The following DIAPH2 variants were observed in gnomAD, a reference collection of about 807,000 sequenced individuals.
DIAPH2 encodes the protein diaphanous related formin 2, also known as protein diaphanous homolog 2.
Under a neutral mutation model 92.7 loss-of-function variants are expected in DIAPH2, and 35 were observed. The observed-to-expected ratio is 0.38, with a 90% CI of 0.29 to 0.50. DIAPH2 has a LOEUF of 0.50. Ranked by LOEUF, DIAPH2 falls within the 20% of genes least tolerant of loss-of-function variation. The probability of loss-of-function intolerance (pLI) is 0.94; values close to 1 mark genes in which losing one functional copy is unlikely to be tolerated. For missense variants in DIAPH2, 701 were observed against 819.5 expected (o/e 0.86, Z 1.77); for synonymous variants, 301 against 280.4 (o/e 1.07, Z -0.73).
rs776674144 is a variant in DIAPH2 at position 97,534,100 on chromosome X, C to CT, written c.3242-65151dup. 3.6e-4 allele frequency among the ~76,000 whole-genome samples: 3 copies of CT among 8,315 alleles called. No individual in the cohort carries two copies. The Admixed American group carries it at 9.2e-3, about 26-fold the overall frequency. 7.2% of individuals were successfully genotyped at this position (8,315 alleles called of 115,157 possible). ...ATACATATACAAAATTTCAGTGTTG[C>CT]TTAAAAAAAAAGCATTTTTATTGAC... On this transcript the variant is annotated intron_variant, in intron 26 of 26. Coordinates refer to ENST00000324765, the MANE Select transcript of DIAPH2 (RefSeq NM_006729.5).
chrX:96,827,000 T>A (rs183509259), intron 4 of DIAPH2, among the ~76,000 whole-genome samples: 1 of 112,666 alleles, frequency 8.9e-6, no homozygotes, highest in East Asian at 2.8e-4. Context: ...TGAAATTTAA[T>A]GTTTAAATTA....
At chrX:97,387,734 C>T (rs936515606) in intron 25 of DIAPH2, among the ~76,000 whole-genome samples, 1 of 111,709 alleles carries the variant, frequency 9.0e-6, no homozygotes, top group Non-Finnish European at 1.9e-5. Context: ...ATAAAATTAA[C>T]GATCATGAGA....
chrX:97,309,172 C>T (rs1410738116), intron 23 of DIAPH2, among the ~76,000 whole-genome samples: 3 of 108,989 alleles, frequency 2.8e-5, no homozygotes, highest in Non-Finnish European at 5.7e-5. Context: ...GTGATCTTGG[C>T]TTACTGCAAC....
intron 17 of DIAPH2, among the ~76,000 whole-genome samples, chrX:97,056,386 A>G (rs184743833): frequency 4.9e-4 from 55 of 111,730 alleles, no homozygotes; most frequent in Non-Finnish European, 4.0e-4. Context: ...TGTGGATTAT[A>G]CATTACTGGA....
chrX:97,085,100 T>C (rs560201186), intron 19 of DIAPH2, among the ~76,000 whole-genome samples: 1 of 111,619 alleles, frequency 9.0e-6, no homozygotes, highest in South Asian at 3.7e-4. Context: ...GTTTTTGTAG[T>C]TGCATATTTT....
intron 24 of DIAPH2, among the ~76,000 whole-genome samples, chrX:97,376,093 A>T (rs1054907320): frequency 2.2e-5 from 2 of 92,839 alleles, no homozygotes; most frequent in African/African-American, 4.0e-5. Flanking sequence ...AGAGATGTTT[A>T]AAAAAAAAAA....
intron 20 of DIAPH2, among the ~76,000 whole-genome samples, chrX:97,102,850 G>T (rs1208080029): frequency 9.0e-6 from 1 of 111,435 alleles, no homozygotes; most frequent in Non-Finnish European, 1.9e-5. Context: ...TGAGGCAGGA[G>T]AATCGCTTGA....
chrX:97,157,873 A>G (rs755742020), intron 22 of DIAPH2, among the ~76,000 whole-genome samples: 11 of 112,169 alleles, frequency 9.8e-5, no homozygotes, highest in Non-Finnish European at 1.7e-4. Flanking sequence ...TAATTATGGC[A>G]TTTGATATAG....
chrX:97,279,394 C>T (rs1382571574), intron 23 of DIAPH2, among the ~76,000 whole-genome samples: 1 of 107,083 alleles, frequency 9.3e-6, no homozygotes, highest in Non-Finnish European at 1.9e-5. Flanking sequence ...CCTCCACCTC[C>T]CGAGAGTGGG....
intron 22 of DIAPH2, among the ~76,000 whole-genome samples, chrX:97,188,506 T>C (rs1287178001): frequency 8.9e-6 from 1 of 112,262 alleles, no homozygotes; most frequent in Non-Finnish European, 1.9e-5. Flanking sequence ...ATTTAACTGA[T>C]AGCTCAGTAG....
chrX:97,327,090 ATTTC>A (rs1218617322), intron 23 of DIAPH2, among the ~76,000 whole-genome samples: 2 of 111,762 alleles, frequency 1.8e-5, no homozygotes, highest in South Asian at 3.7e-4. Context: ...GGCTTAGGAA[ATTTC>A]TTTCTTTCTT....
At chrX:96,931,418 T>A (rs1251841207) in intron 10 of DIAPH2, among the ~76,000 whole-genome samples, 3 of 111,784 alleles carry the variant, frequency 2.7e-5, no homozygotes, top group African/African-American at 9.7e-5. Flanking sequence ...TGAGCACACT[T>A]ATTTTTATAA....
At chrX:97,515,528 C>T (rs755159635) in intron 26 of DIAPH2, among the ~76,000 whole-genome samples, 1 of 112,230 alleles carries the variant, frequency 8.9e-6, no homozygotes, top group East Asian at 2.8e-4. Context: ...GCCATCTTGG[C>T]TCAGGAACCC....
chrX:96,910,884 T>G (rs1200296547), intron 5 of DIAPH2, among the ~76,000 whole-genome samples: 8 of 111,053 alleles, frequency 7.2e-5, no homozygotes, highest in Non-Finnish European at 1.3e-4. Flanking sequence ...TACATGGAGA[T>G]TTTGAGGAAA....
chrX:97,386,673 A>G (rs1208962902), intron 25 of DIAPH2, among the ~76,000 whole-genome samples: 1 of 104,345 alleles, frequency 9.6e-6, no homozygotes, highest in Non-Finnish European at 2.0e-5. Context: ...GTCTCAAAAT[A>G]AAAAAAAAAA....
At chrX:97,051,886 T>G (rs945513451) in intron 17 of DIAPH2, among the ~76,000 whole-genome samples, 1 of 112,256 alleles carries the variant, frequency 8.9e-6, no homozygotes, top group Non-Finnish European at 1.9e-5. Flanking sequence ...ACAGCAGGAA[T>G]TTGAGATGCT....
At chrX:96,795,937 G>A (rs927042082) in intron 4 of DIAPH2, among the ~76,000 whole-genome samples, 2 of 110,772 alleles carry the variant, frequency 1.8e-5, no homozygotes, top group Non-Finnish European at 3.8e-5. Context: ...CATGCAGTGG[G>A]CCCTTTGTGT....
At chrX:97,410,663 G>A (rs1602570385) in intron 25 of DIAPH2, among the ~76,000 whole-genome samples, 1 of 111,636 alleles carries the variant, frequency 9.0e-6, no homozygotes, top group African/African-American at 3.3e-5. Context: ...TAAAAATGTT[G>A]GAAGAAGATT....
intron 26 of DIAPH2, among the ~76,000 whole-genome samples, chrX:97,470,725 C>T (rs773552265): frequency 2.7e-5 from 3 of 109,202 alleles, no homozygotes; most frequent in Non-Finnish European, 5.7e-5. Context: ...GCAAGAGACT[C>T]GGCTCTTGGC....
Sources: gnomAD v4.1 joint callset for allele counts (sites outside exome capture counted in the v4.1 genomes callset) on GRCh38, gnomAD v4.1.1 for gene constraint, MANE v1.5 for transcripts, NCBI Gene and HGNC (gene_info 2026-07-23, HGNC 2026-07-21) for gene names.